Variants in SYTL4 observed in about 807,000 individuals in gnomAD.
SYTL4 encodes the protein synaptotagmin like 4, also known as synaptotagmin-like protein 4.
A neutral mutation model predicts 52.7 loss-of-function variants in SYTL4; 16 were observed. The ratio of observed to expected loss-of-function variants is 0.30; its 90% CI spans 0.21 to 0.46. The LOEUF (loss-of-function observed/expected upper bound fraction) is 0.46. Among genes scored for constraint, SYTL4 ranks in the 20% least tolerant of loss-of-function variants. The probability of loss-of-function intolerance (pLI) is 1.00; values close to 1 mark genes in which losing one functional copy is unlikely to be tolerated. For synonymous variants in SYTL4, 160 were observed against 186.6 expected (o/e 0.86, Z 1.16); for missense variants, 423 against 519.9 (o/e 0.81, Z 1.81).
In SYTL4 at chrX:100,698,964, A is replaced by G. The variant is rs773669416; in HGVS notation, c.539+1933T>C. Among the ~76,000 whole-genome samples, 3 of 112,405 alleles carry G rather than the reference A, an allele frequency of 2.7e-5. No homozygotes were observed. The South Asian group carries it at 1.1e-3, about 42-fold the overall frequency. On this transcript the variant is annotated intron_variant, in intron 8 of 19. Transcript: ENST00000372989. ...AAGAAAATAACCGGGGGGAAGTGTA[A>G]GAAAGCTAACTGCTTCCTCTTTCAC...
intron 14 of SYTL4, 125 bp from the exon 15 acceptor site, chrX:100,686,906 T>C (rs2083484089): frequency 1.4e-5 from 11 of 808,094 alleles, no homozygotes; most frequent in South Asian, 1.3e-4. Flanking sequence ...TCAAGCCCTC[T>C]TAGACATGCC....
At chrX:100,678,171 C>G (rs1450550089) in intron 19 of SYTL4, among the ~76,000 whole-genome samples, 1 of 111,303 alleles carries the variant, frequency 9.0e-6, no homozygotes, top group Non-Finnish European at 1.9e-5. Flanking sequence ...TCCTGGCAAT[C>G]AGGGTCACAT....
In SYTL4 at chrX:100,709,264, G is replaced by T. The variant is rs968327084; in HGVS notation, c.-239-4378C>A. Among the ~76,000 whole-genome samples the T allele has an allele frequency of 3.6e-5, 4 of 110,279 alleles. No individual in the cohort carries two copies. The South Asian group carries it at 1.2e-3, about 33-fold the overall frequency. ...TCCCAGCATTTTGGGAGGCTAAGGC[G>T]GGTGGATCACTTGAGGCCAGGAGTT... On this transcript the variant is annotated intron_variant, in intron 2 of 19. Coordinates refer to ENST00000372989, the MANE Select transcript of SYTL4 (RefSeq NM_001370165.1).
intron 2 of SYTL4, among the ~76,000 whole-genome samples, chrX:100,723,648 T>C (rs2084396678): frequency 9.1e-6 from 1 of 109,563 alleles, no homozygotes; most frequent in South Asian, 4.0e-4. Context: ...GGAGCGTCTC[T>C]GCCCGGCCGC....
intron 2 of SYTL4, among the ~76,000 whole-genome samples, chrX:100,717,956 A>G (rs12010632): frequency 0.14 from 15,969 of 111,467 alleles, 2,272 homozygotes; most frequent in African/African-American, 0.44. Context: ...GGTTAAAATC[A>G]CAGCTTTGCT....
intron 2 of SYTL4, among the ~76,000 whole-genome samples, chrX:100,709,929 T>C (rs1231145131): frequency 4.5e-5 from 5 of 111,742 alleles, no homozygotes; most frequent in Non-Finnish European, 9.4e-5. Context: ...CAATAGCTTT[T>C]GGGGTACAAG....
chrX:100,688,698 G>A (rs550317328), intron 12 of SYTL4, among the ~76,000 whole-genome samples: 1 of 108,639 alleles, frequency 9.2e-6, no homozygotes, highest in East Asian at 3.0e-4. Flanking sequence ...CAGAGTAGCT[G>A]GGATTACAGG....
intron 2 of SYTL4, among the ~76,000 whole-genome samples, chrX:100,713,439 C>T (rs2147796563): frequency 9.2e-6 from 1 of 108,304 alleles, no homozygotes; most frequent in South Asian, 4.1e-4. Flanking sequence ...GAGGGAAACT[C>T]CGTCTCAAAA....
chrX:100,706,179 T>C (rs1172321849), intron 2 of SYTL4, among the ~76,000 whole-genome samples: 1 of 112,187 alleles, frequency 8.9e-6, no homozygotes, highest in African/African-American at 3.2e-5. Context: ...CAACCTCAGC[T>C]GAACCCTCAT....
In SYTL4 at chrX:100,690,552, CT is replaced by C; in HGVS notation, c.717+10del. 8.3e-7 allele frequency: 1 copy of C among 1,199,498 alleles called. No individual in the cohort carries two copies. Among genetic ancestry groups the C allele is most frequent in the Non-Finnish European group, 1.1e-6 (1 of 886,814 alleles). ...GAGGGGAGGAAGGTGGCTCAATAAC[CT>C]GAAGCTTACCTTTTCTACTTGAGAT... is the stretch of plus-strand genomic sequence containing the variant. On this transcript the variant is annotated intron_variant, in intron 10 of 19. Coordinates refer to ENST00000372989, the MANE Select transcript of SYTL4 (RefSeq NM_001370165.1).
At chrX:100,701,052 G>T in intron 7 of SYTL4, 53 bp from the exon 8 acceptor site, 1 of 1,017,758 alleles carries the variant, frequency 9.8e-7, no homozygotes, top group Non-Finnish European at 1.4e-6. Context: ...AGGGGAAAAA[G>T]GAAACAACCC....
intron 2 of SYTL4, among the ~76,000 whole-genome samples, chrX:100,710,950 T>C (rs980603457): frequency 1.8e-5 from 2 of 112,355 alleles, no homozygotes; most frequent in African/African-American, 6.5e-5. Flanking sequence ...GAAATTACTC[T>C]AGGCCAGGGA....
At chrX:100,707,799 G>A (rs1217382875) in intron 2 of SYTL4, among the ~76,000 whole-genome samples, 2 of 111,418 alleles carry the variant, frequency 1.8e-5, no homozygotes, top group Admixed American at 9.6e-5. Flanking sequence ...AGAAGACCAC[G>A]GCTCAGGTAA....
At chrX:100,694,322 C>T (rs966498983) in intron 8 of SYTL4, among the ~76,000 whole-genome samples, 1 of 111,328 alleles carries the variant, frequency 9.0e-6, no homozygotes, top group African/African-American at 3.3e-5. Flanking sequence ...CCATCTCTGT[C>T]CTCAACTCCT....
intron 19 of SYTL4, among the ~76,000 whole-genome samples, chrX:100,678,011 G>T (rs1168087758): frequency 8.9e-6 from 1 of 111,921 alleles, no homozygotes; most frequent in Non-Finnish European, 1.9e-5. Context: ...ATCGAGAAGG[G>T]TAGGGGGAGG....
intron 4 of SYTL4, 78 bp from the exon 5 acceptor site, chrX:100,702,185 G>A: frequency 4.7e-6 from 2 of 425,575 alleles, no homozygotes; most frequent in Non-Finnish European, 4.0e-6. Context: ...CTTTCAATAG[G>A]TTCCTTTCCC....
chrX:100,720,901 G>T (rs939746285), intron 2 of SYTL4, among the ~76,000 whole-genome samples: 8 of 110,283 alleles, frequency 7.3e-5, no homozygotes, highest in Non-Finnish European at 3.8e-5. Flanking sequence ...TTAAAAGGTA[G>T]GTATAAATAA....
chrX:100,710,469 T>C (rs1034776743), intron 2 of SYTL4, among the ~76,000 whole-genome samples: 6 of 112,011 alleles, frequency 5.4e-5, no homozygotes, highest in African/African-American at 9.7e-5. Context: ...CTACACTTTT[T>C]TCGAAAGATG....
intron 2 of SYTL4, among the ~76,000 whole-genome samples, chrX:100,721,580 T>C (rs966974924): frequency 9.0e-6 from 1 of 110,956 alleles, no homozygotes; most frequent in African/African-American, 3.3e-5. Context: ...CAAGAGCTTA[T>C]CATCTAGGAC....
Sources: allele counts gnomAD v4.1 joint callset (sites outside exome capture counted in the v4.1 genomes callset), GRCh38; gene constraint gnomAD v4.1.1; transcripts MANE v1.5; gene names NCBI Gene and HGNC (gene_info 2026-07-23, HGNC 2026-07-21).